Variants in C1orf21 observed in about 807,000 individuals in gnomAD.
C1orf21 encodes the protein chromosome 1 open reading frame 21.
Under a neutral mutation model 18.7 loss-of-function variants are expected in C1orf21, and 3 were observed. The observed-to-expected ratio is 0.16, with a 90% CI of 0.07 to 0.42. The LOEUF (loss-of-function observed/expected upper bound fraction) is 0.42. Among genes scored for constraint, C1orf21 ranks in the 10% least tolerant of loss-of-function variants. The pLI is 0.99. For missense variants in C1orf21, 104 were observed against 143.6 expected (o/e 0.72, Z 1.41); for synonymous variants, 41 against 46.4 (o/e 0.88, Z 0.47).
At chr1:184,470,128 G>A (rs954742466) in intron 1 of C1orf21, among the ~76,000 whole-genome samples, 26 of 151,674 alleles carry the variant, frequency 1.7e-4, no homozygotes, top group African/African-American at 5.3e-4. Flanking sequence ...GTTTTCTCTC[G>A]TTATCTCTGT....
chr1:184,501,889 T>C (rs973668837), intron 2 of C1orf21, among the ~76,000 whole-genome samples: 2 of 151,190 alleles, frequency 1.3e-5, no homozygotes, highest in Non-Finnish European at 3.0e-5. Context: ...ACACCTCTAA[T>C]AAGAAAAAAA....
intron 3 of C1orf21, among the ~76,000 whole-genome samples, chr1:184,515,764 ATTTG>A (rs759172903): frequency 3.9e-5 from 6 of 152,152 alleles, no homozygotes; most frequent in South Asian, 4.2e-4. Context: ...GGATTTTTTT[ATTTG>A]TTTGTTTGTT....
At chr1:184,548,510 G>T (rs983510751) in intron 3 of C1orf21, among the ~76,000 whole-genome samples, 27 of 151,030 alleles carry the variant, frequency 1.8e-4, no homozygotes, top group African/African-American at 6.6e-4. Flanking sequence ...CGCCTCCCGG[G>T]TTCACGCCAT....
intron 1 of C1orf21, among the ~76,000 whole-genome samples, chr1:184,399,980 G>C (rs960352209): frequency 1.3e-5 from 2 of 151,318 alleles, no homozygotes; most frequent in Non-Finnish European, 2.9e-5. Context: ...GAAATAATGA[G>C]CTGATTTTCT....
intron 3 of C1orf21, among the ~76,000 whole-genome samples, chr1:184,519,275 G>A (rs1397615277): frequency 6.6e-6 from 1 of 152,120 alleles, no homozygotes; most frequent in African/African-American, 2.4e-5. Flanking sequence ...ACCTCCTCCT[G>A]TCCAGTAAAG....
chr1:184,497,951 G>A (rs978375678), intron 2 of C1orf21, among the ~76,000 whole-genome samples: 4 of 152,094 alleles, frequency 2.6e-5, no homozygotes, highest in African/African-American at 7.2e-5. Context: ...CTTTTCATCT[G>A]TCTCTCTTCT....
chr1:184,525,871 T>G (rs2101971119), intron 3 of C1orf21, among the ~76,000 whole-genome samples: 1 of 152,300 alleles, frequency 6.6e-6, no homozygotes, highest in South Asian at 2.1e-4. Flanking sequence ...GTCACCTAAT[T>G]TCCATCTCTG....
At chr1:184,566,852 G>A (rs1388223558) in intron 3 of C1orf21, 6 of 489,926 alleles carry the variant, frequency 1.2e-5, no homozygotes, top group East Asian at 1.1e-4. Flanking sequence ...CCAAATGCTC[G>A]ATGGAGTCAA....
chr1:184,523,186 C>T (rs926553573), intron 3 of C1orf21, among the ~76,000 whole-genome samples: 5 of 152,202 alleles, frequency 3.3e-5, no homozygotes, highest in East Asian at 3.9e-4. Context: ...ATAATGACTT[C>T]GTTGCAAGAG....
intron 1 of C1orf21, among the ~76,000 whole-genome samples, chr1:184,403,362 TA>T (rs1656194994): frequency 3.3e-5 from 5 of 152,184 alleles, no homozygotes; most frequent in Admixed American, 3.3e-4. Flanking sequence ...TCTATTTATG[TA>T]AAGTTCAAAA....
At chr1:184,481,929 G>T (rs973683005) in intron 2 of C1orf21, among the ~76,000 whole-genome samples, 1 of 152,156 alleles carries the variant, frequency 6.6e-6, no homozygotes, top group Non-Finnish European at 1.5e-5. Context: ...TTAAGGTCTT[G>T]TCTGTGTTTC....
chr1:184,575,935 T>C (rs1659183423), intron 3 of C1orf21, among the ~76,000 whole-genome samples: 1 of 151,808 alleles, frequency 6.6e-6, no homozygotes, highest in Non-Finnish European at 1.5e-5. Flanking sequence ...GGATTGAATC[T>C]GGGGTTGCCA....
intron 1 of C1orf21, among the ~76,000 whole-genome samples, chr1:184,437,385 G>A (rs1031747078): frequency 2.0e-5 from 3 of 152,122 alleles, no homozygotes; most frequent in African/African-American, 7.2e-5. Flanking sequence ...CTCATAAGAA[G>A]TTCCACCCAG....
chr1:184,491,489 A>G (rs1657816074), intron 2 of C1orf21, among the ~76,000 whole-genome samples: 1 of 152,066 alleles, frequency 6.6e-6, no homozygotes, highest in South Asian at 2.1e-4. Context: ...AGCTGGGACT[A>G]CAGGTGCAAG....
intron 1 of C1orf21, among the ~76,000 whole-genome samples, chr1:184,391,358 G>A (rs549235442): frequency 6.6e-6 from 1 of 152,298 alleles, no homozygotes; most frequent in Admixed American, 6.5e-5. Flanking sequence ...GAAAGGAGAT[G>A]CAGCTTCCCC....
At chr1:184,413,268 G>T (rs1370981351) in intron 1 of C1orf21, among the ~76,000 whole-genome samples, 1 of 152,000 alleles carries the variant, frequency 6.6e-6, no homozygotes, top group African/African-American at 2.4e-5. Flanking sequence ...CAAAATATAT[G>T]TGGGAGAAAT....
intron 3 of C1orf21, among the ~76,000 whole-genome samples, chr1:184,509,305 T>C (rs1387467872): frequency 2.0e-5 from 3 of 152,196 alleles, no homozygotes; most frequent in East Asian, 3.8e-4. Context: ...TGTATTCTTT[T>C]TCAGCATTGT....
chr1:184,466,575 G>A (rs888457042), intron 1 of C1orf21, among the ~76,000 whole-genome samples: 1 of 152,172 alleles, frequency 6.6e-6, no homozygotes, highest in African/African-American at 2.4e-5. Context: ...CTTAAATGTG[G>A]TAGGTTAAAG....
At chr1:184,599,971 A>G (rs568534305) in intron 5 of C1orf21, among the ~76,000 whole-genome samples, 1 of 152,268 alleles carries the variant, frequency 6.6e-6, no homozygotes, top group South Asian at 2.1e-4. Flanking sequence ...CTCAACCTGT[A>G]TTTTCTTCCC....
Sources: gnomAD v4.1 joint callset for allele counts (sites outside exome capture counted in the v4.1 genomes callset) on GRCh38, gnomAD v4.1.1 for gene constraint, MANE v1.5 for transcripts, NCBI Gene and HGNC (gene_info 2026-07-23, HGNC 2026-07-21) for gene names.